Variants in GALK2 observed in about 807,000 individuals in gnomAD.
The protein encoded by GALK2 is N-acetylgalactosamine kinase.
A neutral mutation model predicts 52.4 loss-of-function variants in GALK2; 36 were observed. That is an observed-to-expected ratio of 0.69 (90% CI 0.53 to 0.91). GALK2 has a LOEUF of 0.91. Among genes scored for constraint, GALK2 ranks in the 40% least tolerant of loss-of-function variants. The probability of loss-of-function intolerance (pLI) is 0.00; values close to 1 mark genes in which losing one functional copy is unlikely to be tolerated. For missense variants in GALK2, 579 were observed against 559.1 expected, an observed-to-expected ratio of 1.04 and a Z score of -0.36; for synonymous variants, 176 against 199.1, an observed-to-expected ratio of 0.88 and a Z score of 0.98.
chr15:49,159,298 T>C (rs2084562948), intron 1 of GALK2, among the ~76,000 whole-genome samples: 2 of 152,284 alleles, frequency 1.3e-5, no homozygotes, highest in African/African-American at 4.8e-5. Flanking sequence ...TAATTCCGGC[T>C]GGCGCGCTGG....
intron 8 of GALK2, among the ~76,000 whole-genome samples, chr15:49,293,282 G>A (rs1292212676): frequency 2.6e-5 from 4 of 152,226 alleles, no homozygotes; most frequent in Non-Finnish European, 5.9e-5. Context: ...ACAAAGTAAT[G>A]TCTTAAAGGC....
At position 49,281,765 on chromosome 15, in the gene GALK2, C is replaced by T. The variant is rs113485063; in HGVS notation, c.505-222C>T. On this transcript the variant is annotated intron_variant, in intron 5 of 9. Transcript: ENST00000560031. ...AGGGATGGCGAAAACATAGTGTGCA[C>T]GGTCAATATCTTATTCCATACCCAT... 6.6e-3 allele frequency among the ~76,000 whole-genome samples: 998 copies of T among 152,242 alleles called. 17 individuals carry two copies. Among genetic ancestry groups the T allele is most frequent in the African/African-American group, 0.023 (938 of 41,534 alleles).
intron 5 of GALK2, among the ~76,000 whole-genome samples, chr15:49,262,030 T>A (rs1252127460): frequency 6.6e-6 from 1 of 152,212 alleles, no homozygotes; most frequent in East Asian, 1.9e-4. Flanking sequence ...TAAAATTCTC[T>A]TTTTTGGTTG....
At chr15:49,249,485 C>G (rs1229900691) in intron 5 of GALK2, among the ~76,000 whole-genome samples, 1 of 152,186 alleles carries the variant, frequency 6.6e-6, no homozygotes. Context: ...CTACAGTTCT[C>G]TGACCTTCCT....
At chr15:49,212,121 C>G (rs111647301) in intron 2 of GALK2, among the ~76,000 whole-genome samples, 26 of 152,238 alleles carry the variant, frequency 1.7e-4, no homozygotes, top group African/African-American at 6.3e-4. Context: ...GAAATGGAGT[C>G]TCGCTCTGTT....
chr15:49,186,933 G>T (rs2086394280), intron 1 of GALK2, among the ~76,000 whole-genome samples: 2 of 152,154 alleles, frequency 1.3e-5, no homozygotes, highest in African/African-American at 4.8e-5. Flanking sequence ...ATGGCCACTG[G>T]TGCCTCATTT....
At chr15:49,278,763 C>T (rs1303822418) in intron 5 of GALK2, among the ~76,000 whole-genome samples, 1 of 152,212 alleles carries the variant, frequency 6.6e-6, no homozygotes, top group Non-Finnish European at 1.5e-5. Flanking sequence ...AATCTGTAAG[C>T]CACAGAGACC....
intron 1 of GALK2, among the ~76,000 whole-genome samples, chr15:49,159,255 G>A (rs1348294567): frequency 2.0e-5 from 3 of 152,162 alleles, no homozygotes; most frequent in Admixed American, 2.0e-4. Flanking sequence ...CAATTCTGCA[G>A]TGAATATCTT....
At position 49,227,293 on chromosome 15, in the gene GALK2, A is replaced by T. The variant is rs147442017; in HGVS notation, c.267-8558A>T. ...TTAGTCATAATAATATTTGCTTTAT[A>T]TATCTGGGTGCTTTGTTGTTGAGTG... On this transcript the variant is annotated intron_variant, in intron 3 of 9. Transcript: ENST00000560031. Among the ~76,000 whole-genome samples, 139 of 152,188 alleles carry T rather than the reference A, an allele frequency of 9.1e-4. 1 individual carries two copies. The Middle Eastern group carries it at 0.027, about 30-fold the overall frequency.
chr15:49,340,747 T>C (rs1302614628), intron 3 of GALK2, among the ~76,000 whole-genome samples: 1 of 152,230 alleles, frequency 6.6e-6, no homozygotes, highest in Non-Finnish European at 1.5e-5. Flanking sequence ...TATATTGCTG[T>C]GCAGAAGCTC....
intron 9 of GALK2, among the ~76,000 whole-genome samples, chr15:49,320,628 G>A (rs1209173541): frequency 1.3e-5 from 2 of 152,224 alleles, no homozygotes; most frequent in Non-Finnish European, 2.9e-5. Flanking sequence ...CTCAGTCATT[G>A]CCACACTCCC....
intron 3 of GALK2, among the ~76,000 whole-genome samples, chr15:49,231,995 T>C (rs1480940543): frequency 1.3e-5 from 2 of 152,204 alleles, no homozygotes; most frequent in African/African-American, 4.8e-5. Context: ...GGCCCTCTTC[T>C]CACAGCTCCA....
chr15:49,337,482 C>CATGTCTTCGTTTGAAA (rs71120678), intron 3 of GALK2, among the ~76,000 whole-genome samples: 85,547 of 141,308 alleles, frequency 0.61, 26,185 homozygotes, highest in Non-Finnish European at 0.64. Flanking sequence ...TGGACACTTG[C>CATGTCTTCGTTTGAAA]AATGTCTGTT....
intron 5 of GALK2, among the ~76,000 whole-genome samples, chr15:49,273,872 A>C (rs577454779): frequency 6.6e-6 from 1 of 152,326 alleles, no homozygotes; most frequent in South Asian, 2.1e-4. Flanking sequence ...TAGATGAAAC[A>C]GTCAGGGTTG....
In GALK2 at chr15:49,292,355, G is replaced by A. The variant is rs751379440; in HGVS notation, c.785G>A (p.Trp262Ter). Residue 262 changes from tryptophan to a stop codon, truncating the protein, a stop_gained, in exon 8 of 10, where the codon TGG becomes TAG. Coordinates refer to ENST00000560031, the MANE Select transcript of GALK2 (RefSeq NM_002044.4). LOFTEE classifies it high-confidence loss of function. ...KLLAKYKSLQ[W>*]DKVLRLEEVQ... The stretch of plus-strand genomic sequence containing the variant: ...CTGGCTAAATACAAAAGCTTGCAAT[G>A]GGACAAAGTACTGAGGCTGGAGGAG... The A allele has an allele frequency of 1.2e-6, 2 of 1,613,988 alleles. No homozygotes were observed. Among genetic ancestry groups the A allele is most frequent in the South Asian group, 2.2e-5 (2 of 91,052 alleles).
rs1332703006 is a variant in GALK2, at chr15:49,357,335, T to C, written c.427-10156T>C. Among the ~76,000 whole-genome samples the C allele has an allele frequency of 6.9e-4, 104 of 149,776 alleles. 1 individual carries two copies. The highest frequency in any genetic ancestry group is 2.1e-3 in the Admixed American group (31 of 15,014). ...AGGATCAACAAAATTGATAGACCGC[T>C]AGCAAGACTAATAAAGAAAAAAAGA... On this transcript the variant is annotated intron_variant, in intron 3 of 3. Coordinates refer to the GALK2 transcript ENST00000558399.
At chr15:49,201,859 A>C (rs969041351) in intron 2 of GALK2, among the ~76,000 whole-genome samples, 1 of 152,138 alleles carries the variant, frequency 6.6e-6, no homozygotes, top group Non-Finnish European at 1.5e-5. Context: ...ATTTCCATGT[A>C]TCTATTTCCA....
At chr15:49,257,415 A>G (rs2091860418) in intron 5 of GALK2, among the ~76,000 whole-genome samples, 2 of 152,228 alleles carry the variant, frequency 1.3e-5, no homozygotes, top group Admixed American at 6.5e-5. Context: ...AATGGGATGC[A>G]CTCATATAAT....
intron 5 of GALK2, among the ~76,000 whole-genome samples, chr15:49,258,715 G>A (rs1348947929): frequency 1.3e-5 from 2 of 151,280 alleles, no homozygotes; most frequent in East Asian, 3.9e-4. Context: ...AATGAGAAGG[G>A]TTTAGAATTC....
Sources: allele counts gnomAD v4.1 joint callset (sites outside exome capture counted in the v4.1 genomes callset), GRCh38; gene constraint gnomAD v4.1.1; transcripts MANE v1.5; gene names NCBI Gene and HGNC (gene_info 2026-07-23, HGNC 2026-07-21).